The following SLC8A1 variants were observed in gnomAD, a reference collection of about 807,000 sequenced individuals.
SLC8A1 encodes the protein solute carrier family 8 member A1.
Under a neutral mutation model 68.3 loss-of-function variants are expected in SLC8A1, and 18 were observed. The ratio of observed to expected loss-of-function variants is 0.26; its 90% CI spans 0.18 to 0.39. SLC8A1 has a LOEUF of 0.39. Among genes scored for constraint, SLC8A1 ranks in the 10% least tolerant of loss-of-function variants. The probability of loss-of-function intolerance (pLI) is 1.00; values close to 1 mark genes in which losing one functional copy is unlikely to be tolerated. For synonymous variants in SLC8A1, 475 were observed against 415.5 expected (o/e 1.14, Z -1.74); for missense variants, 985 against 1,156.7 (o/e 0.85, Z 2.15).
At chr2:40,495,329 C>G (rs1446762932) in intron 1 of SLC8A1, among the ~76,000 whole-genome samples, 1 of 151,974 alleles carries the variant, frequency 6.6e-6, no homozygotes, top group Non-Finnish European at 1.5e-5. Context: ...TGTTATTAAT[C>G]TCTCTATGCC....
At chr2:40,348,231 C>G (rs1669959752) in intron 2 of SLC8A1, among the ~76,000 whole-genome samples, 2 of 152,286 alleles carry the variant, frequency 1.3e-5, no homozygotes, top group South Asian at 4.1e-4. Context: ...CAGCTGGAAT[C>G]CACAGGGCAA....
chr2:40,109,052 T>G (rs2034401109), exon 8 of SLC8A1: 1 of 152,218 alleles, frequency 6.6e-6, no homozygotes, highest in Non-Finnish European at 1.5e-5. Context: ...CCCCAGTGCA[T>G]TCTTGGATTT....
chr2:40,235,241 G>C (rs971189204), intron 2 of SLC8A1, among the ~76,000 whole-genome samples: 86 of 151,992 alleles, frequency 5.7e-4, no homozygotes, highest in Middle Eastern at 3.4e-3. Flanking sequence ...GACTCTTTTT[G>C]GTTGGTAAGC....
chr2:40,152,377 G>T (rs2043597377), intron 6 of SLC8A1, among the ~76,000 whole-genome samples: 1 of 152,016 alleles, frequency 6.6e-6, no homozygotes, highest in Non-Finnish European at 1.5e-5. Flanking sequence ...AGAAGAACAG[G>T]CGTGAGACTT....
intron 4 of SLC8A1, among the ~76,000 whole-genome samples, chr2:40,168,230 G>A (rs1312412804): frequency 6.6e-6 from 1 of 152,156 alleles, no homozygotes; most frequent in East Asian, 1.9e-4. Context: ...CCTAAAGGGA[G>A]TCAGGGAAGG....
At chr2:40,164,092 A>C (rs1445712560) in intron 5 of SLC8A1, among the ~76,000 whole-genome samples, 1 of 152,202 alleles carries the variant, frequency 6.6e-6, no homozygotes, top group Non-Finnish European at 1.5e-5. Context: ...ATCCCACTGC[A>C]GAACTGAACT....
intron 1 of SLC8A1, among the ~76,000 whole-genome samples, chr2:40,437,282 G>GC: frequency 6.6e-6 from 1 of 152,236 alleles, no homozygotes; most frequent in African/African-American, 2.4e-5. Flanking sequence ...CTGCCATGCT[G>GC]CCCCTTCTTC....
At chr2:40,295,546 C>A (rs796334554) in intron 2 of SLC8A1, among the ~76,000 whole-genome samples, 51 of 151,936 alleles carry the variant, frequency 3.4e-4, no homozygotes, top group African/African-American at 1.2e-3. Context: ...TTTTTTTGTC[C>A]TGAAATTCAT....
At chr2:40,367,869 C>T (rs113885542) in intron 2 of SLC8A1, among the ~76,000 whole-genome samples, 1 of 152,050 alleles carries the variant, frequency 6.6e-6, no homozygotes. Context: ...CACAACCCCC[C>T]ACATCTTGTT....
chr2:40,301,691 T>G (rs1267903769), intron 2 of SLC8A1, among the ~76,000 whole-genome samples: 1 of 152,112 alleles, frequency 6.6e-6, no homozygotes, highest in Non-Finnish European at 1.5e-5. Context: ...CTAAGGCAGG[T>G]GGATCACTTG....
At chr2:40,173,937 A>ATCTT (rs1216698741) in intron 4 of SLC8A1, among the ~76,000 whole-genome samples, 1 of 152,222 alleles carries the variant, frequency 6.6e-6, no homozygotes, top group Non-Finnish European at 1.5e-5. Context: ...GTAAGGAAAT[A>ATCTT]TCTTTGTTTT....
chr2:40,230,488 CAAAAT>C (rs2059514429), intron 2 of SLC8A1, among the ~76,000 whole-genome samples: 1 of 152,088 alleles, frequency 6.6e-6, no homozygotes, highest in South Asian at 2.1e-4. Flanking sequence ...CAAGGTAAAA[CAAAAT>C]AAACAGTTGC....
chr2:40,354,256 A>C (rs929412612), intron 2 of SLC8A1, among the ~76,000 whole-genome samples: 3 of 152,166 alleles, frequency 2.0e-5, no homozygotes, highest in Non-Finnish European at 2.9e-5. Context: ...ATTGTTTCTT[A>C]GTGTGATTTG....
chr2:40,247,568 A>G (rs548487213), intron 2 of SLC8A1, among the ~76,000 whole-genome samples: 1 of 152,212 alleles, frequency 6.6e-6, no homozygotes, highest in Non-Finnish European at 1.5e-5. Flanking sequence ...AAAAAGGCTC[A>G]GGGCATATAA....
chr2:40,257,422 AC>A (rs1325343212), intron 2 of SLC8A1, among the ~76,000 whole-genome samples: 1 of 147,154 alleles, frequency 6.8e-6, no homozygotes, highest in Non-Finnish European at 1.5e-5. Context: ...GCTGTTTACC[AC>A]CTTTTTTTTT....
intron 7 of SLC8A1, chr2:40,118,607 G>GTGTTTT (rs2036049279): frequency 1.3e-5 from 1 of 74,712 alleles, no homozygotes; most frequent in Non-Finnish European, 2.3e-5. Context: ...AAAAAAGGAA[G>GTGTTTT]TTTTTTTTTT....
chr2:40,300,312 C>A (rs1053358418), intron 2 of SLC8A1, among the ~76,000 whole-genome samples: 1 of 152,148 alleles, frequency 6.6e-6, no homozygotes, highest in African/African-American at 2.4e-5. Context: ...TCACACCCAT[C>A]TGACAGATGA....
At chr2:40,170,375 C>G (rs1184074533) in intron 4 of SLC8A1, 26 bp from the exon 7 acceptor site, 1 of 1,601,320 alleles carries the variant, frequency 6.2e-7, no homozygotes, top group Non-Finnish European at 8.6e-7. Context: ...GCAGAAAAAT[C>G]AGCAGAATGG....
chr2:40,482,104 A>G (rs909495899), intron 1 of SLC8A1, among the ~76,000 whole-genome samples: 1 of 152,210 alleles, frequency 6.6e-6, no homozygotes, highest in Non-Finnish European at 1.5e-5. Context: ...AATGCTTAAT[A>G]TGAAATTGAT....
Sources: allele counts gnomAD v4.1 joint callset (sites outside exome capture counted in the v4.1 genomes callset), GRCh38; gene constraint gnomAD v4.1.1; transcripts MANE v1.5; gene names NCBI Gene and HGNC (gene_info 2026-07-23, HGNC 2026-07-21).